EPHA6: variants seen among roughly 807,000 people sequenced by gnomAD.
EPHA6 encodes EPH receptor A6, also known as ephrin type-A receptor 6.
A neutral mutation model predicts 112.0 loss-of-function variants in EPHA6; 50 were observed. That is an observed-to-expected ratio of 0.45 (90% CI 0.36 to 0.56). The LOEUF is 0.56. Ranked by LOEUF, EPHA6 falls within the 20% of genes least tolerant of loss-of-function variation. The pLI, the probability that EPHA6 is intolerant of heterozygous loss-of-function variation, is 0.00. For synonymous variants in EPHA6, 529 were observed against 490.7 expected, an observed-to-expected ratio of 1.08 and a Z score of -1.03; for missense variants, 1,280 against 1,417.4, an observed-to-expected ratio of 0.90 and a Z score of 1.56.
At chr3:97,599,875 G>A (rs1174398533) in intron 12 of EPHA6, among the ~76,000 whole-genome samples, 2 of 152,152 alleles carry the variant, frequency 1.3e-5, no homozygotes, top group Non-Finnish European at 2.9e-5. Context: ...CCATGTTCAT[G>A]ATATTGATTC....
chr3:97,629,001 T>C (rs1264646672), intron 13 of EPHA6, among the ~76,000 whole-genome samples: 2 of 152,016 alleles, frequency 1.3e-5, no homozygotes, highest in East Asian at 1.9e-4. Flanking sequence ...GGCGTGATTA[T>C]AGTTCACCGC....
At chr3:97,186,366 C>G (rs796086650) in intron 3 of EPHA6, among the ~76,000 whole-genome samples, 2 of 152,160 alleles carry the variant, frequency 1.3e-5, no homozygotes, top group African/African-American at 4.8e-5. Context: ...GCTCATAACT[C>G]TCAAAAACAT....
intron 2 of EPHA6, among the ~76,000 whole-genome samples, chr3:96,964,499 A>G (rs988598366): frequency 1.3e-5 from 2 of 152,068 alleles, no homozygotes; most frequent in Admixed American, 6.6e-5. Flanking sequence ...TGGTTTTTAT[A>G]GATAACATTG....
intron 5 of EPHA6, among the ~76,000 whole-genome samples, chr3:97,333,449 T>TAC (rs1355343977): frequency 1.3e-5 from 2 of 151,084 alleles, no homozygotes; most frequent in Non-Finnish European, 2.9e-5. Flanking sequence ...TTTCTTCCTT[T>TAC]ACACTCTGTA....
chr3:97,611,171 T>G (rs1366906921), intron 13 of EPHA6, among the ~76,000 whole-genome samples: 2 of 151,736 alleles, frequency 1.3e-5, no homozygotes, highest in African/African-American at 4.8e-5. Flanking sequence ...TGCCTCACAG[T>G]CATTAATTTT....
intron 9 of EPHA6, 85 bp downstream of exon 9, chr3:97,479,449 G>GA (rs918208906): frequency 3.1e-5 from 24 of 773,588 alleles, no homozygotes; most frequent in Non-Finnish European, 4.3e-5. Flanking sequence ...ATTGAGTTGA[G>GA]AAAAAAAGAA....
chr3:97,294,099 G>C (rs952535179), intron 5 of EPHA6, among the ~76,000 whole-genome samples: 1 of 152,224 alleles, frequency 6.6e-6, no homozygotes, highest in African/African-American at 2.4e-5. Flanking sequence ...AGCAGGAGAG[G>C]CTTTCTGGGC....
chr3:97,238,190 C>T (rs1321073765), intron 4 of EPHA6, among the ~76,000 whole-genome samples: 1 of 151,874 alleles, frequency 6.6e-6, no homozygotes, highest in Non-Finnish European at 1.5e-5. Context: ...TTTTTATTCT[C>T]TCCTAATGGG....
At chr3:97,178,325 G>A (rs1180045963) in intron 3 of EPHA6, among the ~76,000 whole-genome samples, 1 of 152,032 alleles carries the variant, frequency 6.6e-6, no homozygotes, top group African/African-American at 2.4e-5. Flanking sequence ...AGTTGTAATA[G>A]TTATTGTTTT....
At chr3:97,352,470 G>A (rs1287502442) in intron 5 of EPHA6, among the ~76,000 whole-genome samples, 1 of 152,206 alleles carries the variant, frequency 6.6e-6, no homozygotes, top group Non-Finnish European at 1.5e-5. Flanking sequence ...ATGGCATAGA[G>A]AGAGTGTGTG....
chr3:97,667,028 A>G (rs992652282), intron 14 of EPHA6, among the ~76,000 whole-genome samples: 1 of 152,172 alleles, frequency 6.6e-6, no homozygotes. Context: ...ATTAAACTGG[A>G]GAGCATTATT....
chr3:96,936,599 T>A (rs1002986792), intron 2 of EPHA6, among the ~76,000 whole-genome samples: 4 of 151,812 alleles, frequency 2.6e-5, no homozygotes, highest in African/African-American at 9.7e-5. Context: ...GTTCTTTTTT[T>A]AATTTAATTT....
intron 5 of EPHA6, among the ~76,000 whole-genome samples, chr3:97,378,365 G>A (rs1454187030): frequency 6.6e-6 from 1 of 152,168 alleles, no homozygotes; most frequent in African/African-American, 2.4e-5. Flanking sequence ...TTGCAGGGGA[G>A]GGCTCTCATG....
At chr3:97,385,746 C>A (rs1269276948) in intron 5 of EPHA6, among the ~76,000 whole-genome samples, 2 of 152,132 alleles carry the variant, frequency 1.3e-5, no homozygotes, top group South Asian at 2.1e-4. Flanking sequence ...AGGAAACTTA[C>A]ATTCATGGCA....
chr3:97,479,483 C>A, intron 9 of EPHA6, 119 bp downstream of exon 9: 1 of 574,834 alleles, frequency 1.7e-6, no homozygotes. Flanking sequence ...TCCAACCTTT[C>A]AGCATTAAGA....
chr3:97,301,598 C>T (rs2081092971), intron 5 of EPHA6, among the ~76,000 whole-genome samples: 1 of 152,062 alleles, frequency 6.6e-6, no homozygotes, highest in Non-Finnish European at 1.5e-5. Flanking sequence ...CAAACCCAGG[C>T]CATCAGGCTC....
At chr3:97,140,988 T>C (rs547473314) in intron 3 of EPHA6, among the ~76,000 whole-genome samples, 75 of 152,060 alleles carry the variant, frequency 4.9e-4, no homozygotes, top group Middle Eastern at 3.4e-3. Flanking sequence ...GAGAAAGACA[T>C]ACCATGCAAG....
chr3:97,660,214 A>C (rs2094161154), intron 14 of EPHA6, among the ~76,000 whole-genome samples: 1 of 151,970 alleles, frequency 6.6e-6, no homozygotes, highest in Non-Finnish European at 1.5e-5. Context: ...TGTTCTCTTG[A>C]TTTTTTAATA....
intron 6 of EPHA6, among the ~76,000 whole-genome samples, chr3:97,440,387 A>C (rs928637057): frequency 2.0e-5 from 3 of 152,006 alleles, no homozygotes; most frequent in Non-Finnish European, 4.4e-5. Flanking sequence ...TGATTTCCTC[A>C]ATTGATATAG....
Sources: gnomAD v4.1 joint callset for allele counts (sites outside exome capture counted in the v4.1 genomes callset) on GRCh38, gnomAD v4.1.1 for gene constraint, MANE v1.5 for transcripts, NCBI Gene and HGNC (gene_info 2026-07-23, HGNC 2026-07-21) for gene names.